Variants in NTRK2 observed in about 807,000 individuals in gnomAD.
NTRK2 encodes the protein BDNF/NT-3 growth factors receptor.
NTRK2 carries 13 observed loss-of-function variants against 94.5 expected under a neutral mutation model. That is an observed-to-expected ratio of 0.14 (90% CI 0.09 to 0.22). NTRK2 has a LOEUF of 0.22. Among genes scored for constraint, NTRK2 ranks in the 10% least tolerant of loss-of-function variants. The pLI is 1.00. For synonymous variants in NTRK2, 372 were observed against 407.4 expected (o/e 0.91, Z 1.05); for missense variants, 639 against 1,071.2 (o/e 0.60, Z 5.63).
intron 14 of NTRK2, among the ~76,000 whole-genome samples, chr9:84,882,072 G>C (rs1432423042): frequency 6.6e-6 from 1 of 152,100 alleles, no homozygotes; most frequent in East Asian, 1.9e-4. Context: ...ACAACTACTA[G>C]GCAGGAGAGC....
At chr9:84,821,085 G>A (rs556675192) in intron 12 of NTRK2, among the ~76,000 whole-genome samples, 1 of 152,062 alleles carries the variant, frequency 6.6e-6, no homozygotes, top group African/African-American at 2.4e-5. Flanking sequence ...AAGTATCCCT[G>A]CCCTTGTAAC....
intron 11 of NTRK2, among the ~76,000 whole-genome samples, chr9:84,750,905 A>G (rs2064539270): frequency 6.6e-6 from 1 of 152,212 alleles, no homozygotes; most frequent in Non-Finnish European, 1.5e-5. Flanking sequence ...GAGTGATCGC[A>G]TTTCTATGTG....
intron 12 of NTRK2, among the ~76,000 whole-genome samples, chr9:84,772,450 G>A (rs1385313079): frequency 6.6e-6 from 1 of 152,156 alleles, no homozygotes; most frequent in African/African-American, 2.4e-5. Flanking sequence ...GTTTCACCAT[G>A]TTGGCCAGGC....
At chr9:84,726,495 A>G (rs1406823490) in intron 8 of NTRK2, among the ~76,000 whole-genome samples, 1 of 150,486 alleles carries the variant, frequency 6.6e-6, no homozygotes, top group Non-Finnish European at 1.5e-5. Context: ...TAAAAAAACA[A>G]AAAACAAACT....
In NTRK2 at chr9:84,859,405, T is replaced by C. The variant is rs556626988; in HGVS notation, c.1397-1635T>C. On this transcript the variant is annotated intron_variant, in intron 12 of 18. Coordinates refer to ENST00000277120, the MANE Select transcript of NTRK2 (RefSeq NM_006180.6). ...TGTTGTAGCAATTTGATAACCTGTA[T>C]TGAGAACCTTCACAATATTCATTCC... 2.0e-5 allele frequency among the ~76,000 whole-genome samples: 3 copies of C among 152,344 alleles called. 1 individual carries two copies. Among genetic ancestry groups the C allele is most frequent in the South Asian group, 4.1e-4 (2 of 4,822 alleles).
chr9:84,842,166 G>C (rs920709954), intron 12 of NTRK2, among the ~76,000 whole-genome samples: 1 of 152,138 alleles, frequency 6.6e-6, no homozygotes, highest in Non-Finnish European at 1.5e-5. Context: ...CTCAGGAAAA[G>C]GCTGACTGAG....
intron 12 of NTRK2, among the ~76,000 whole-genome samples, chr9:84,835,672 C>A (rs926491952): frequency 1.3e-5 from 2 of 152,206 alleles, no homozygotes; most frequent in East Asian, 3.8e-4. Context: ...CTCTCAAAAT[C>A]ATTGCTGAAG....
chr9:84,809,182 G>T (rs186942618), intron 12 of NTRK2, among the ~76,000 whole-genome samples: 65 of 152,062 alleles, frequency 4.3e-4, no homozygotes, highest in African/African-American at 1.4e-3. Flanking sequence ...GAATAGTTTG[G>T]GTGCAATGCT....
intron 2 of NTRK2, among the ~76,000 whole-genome samples, chr9:84,673,768 A>C (rs1458029195): frequency 6.6e-6 from 1 of 152,194 alleles, no homozygotes; most frequent in African/African-American, 2.4e-5. Context: ...TATTTTATTA[A>C]AAATCTTCCC....
chr9:84,744,105 T>C (rs1330365870), intron 10 of NTRK2, among the ~76,000 whole-genome samples: 1 of 152,146 alleles, frequency 6.6e-6, no homozygotes, highest in Non-Finnish European at 1.5e-5. Context: ...AATACAAACA[T>C]TATAAACCTC....
chr9:84,692,633 A>G (rs1358729760), intron 2 of NTRK2, among the ~76,000 whole-genome samples: 1 of 151,522 alleles, frequency 6.6e-6, no homozygotes, highest in Admixed American at 6.6e-5. Flanking sequence ...CCACCTGGCT[A>G]ATTTTGTATT....
chr9:84,865,170 T>C (rs1167161854), intron 13 of NTRK2, among the ~76,000 whole-genome samples: 1 of 152,216 alleles, frequency 6.6e-6, no homozygotes, highest in African/African-American at 2.4e-5. Flanking sequence ...GCAGGATTTC[T>C]GCTGTATCCT....
intron 5 of NTRK2, among the ~76,000 whole-genome samples, chr9:84,708,262 T>A (rs1241807217): frequency 6.6e-6 from 1 of 152,164 alleles, no homozygotes; most frequent in Non-Finnish European, 1.5e-5. Context: ...TCTGGTTTGG[T>A]TCCTGTTGGA....
chr9:84,703,526 G>A (rs185233558), intron 4 of NTRK2, among the ~76,000 whole-genome samples: 29 of 152,188 alleles, frequency 1.9e-4, no homozygotes, highest in Admixed American at 1.8e-3. Context: ...TATAAGGTTC[G>A]TCCTCTTTCT....
At chr9:84,982,758 G>C (rs1443320949) in intron 17 of NTRK2, among the ~76,000 whole-genome samples, 2 of 152,146 alleles carry the variant, frequency 1.3e-5, no homozygotes, top group African/African-American at 4.8e-5. Context: ...ACGTTCACCT[G>C]ACCGTATCTT....
intron 14 of NTRK2, among the ~76,000 whole-genome samples, chr9:84,890,807 C>A (rs2132297745): frequency 6.6e-6 from 1 of 152,300 alleles, no homozygotes; most frequent in Admixed American, 6.5e-5. Flanking sequence ...ACACCTGAAT[C>A]TGGGAGATTA....
chr9:84,870,126 TACACACACACACAC>T (rs1554757395), intron 14 of NTRK2, among the ~76,000 whole-genome samples: 2 of 95,606 alleles, frequency 2.1e-5, no homozygotes, highest in African/African-American at 8.5e-5. Flanking sequence ...TATATATATA[TACACACACACACAC>T]ATATATATAC....
In NTRK2 at chr9:85,021,947, C is replaced by G. The variant is rs201377768; in HGVS notation, c.*510C>G. The G allele has an allele frequency of 4.1e-6, 1 of 245,760 alleles. No individual in the cohort carries two copies. The highest frequency in any genetic ancestry group is 8.0e-6 in the Non-Finnish European group (1 of 125,272). 15.2% of individuals were successfully genotyped at this position (245,760 alleles called of 1,614,324 possible). A position where few individuals can be genotyped will look rare whatever the true frequency, so the allele number is the denominator to read the frequency against. On this transcript the variant is annotated 3_prime_UTR_variant, in exon 19 of 19. Coordinates refer to ENST00000277120, the MANE Select transcript of NTRK2 (RefSeq NM_006180.6). ...TTTGTCACTTCTGCTGTACAGATATCGAGAGTTTCTATGGATTCACTTCTA... is the reference window on the plus strand; with the variant it reads ...TTTGTCACTTCTGCTGTACAGATATGGAGAGTTTCTATGGATTCACTTCTA...
intron 2 of NTRK2, among the ~76,000 whole-genome samples, chr9:84,697,807 G>A (rs1278594259): frequency 6.6e-6 from 1 of 152,152 alleles, no homozygotes; most frequent in Non-Finnish European, 1.5e-5. Flanking sequence ...GTGGTCCAGG[G>A]AACCAAGAAC....
Sources: allele counts gnomAD v4.1 joint callset (sites outside exome capture counted in the v4.1 genomes callset), GRCh38; gene constraint gnomAD v4.1.1; transcripts MANE v1.5; gene names NCBI Gene and HGNC (gene_info 2026-07-23, HGNC 2026-07-21).